DAB1: variants seen among roughly 807,000 people sequenced by gnomAD.
DAB1 encodes DAB adaptor protein 1.
In DAB1, 15 loss-of-function variants were observed where a neutral mutation model predicts 64.6. That is an observed-to-expected ratio of 0.23 (90% confidence interval 0.16 to 0.36). The LOEUF is 0.36. Among genes scored for constraint, DAB1 ranks in the 10% least tolerant of loss-of-function variants. DAB1 has a pLI of 1.00. For synonymous variants in DAB1, 235 were observed against 251.9 expected, an observed-to-expected ratio of 0.93 and a Z score of 0.64; for missense variants, 596 against 706.7, an observed-to-expected ratio of 0.84 and a Z score of 1.78.
chr1:58,016,398 C>T (rs148776894), intron 5 of DAB1, among the ~76,000 whole-genome samples: 11 of 152,290 alleles, frequency 7.2e-5, no homozygotes, highest in African/African-American at 2.4e-4. Context: ...TGTCTTGTTA[C>T]TTGCAGCCCA....
intron 5 of DAB1, among the ~76,000 whole-genome samples, chr1:57,916,491 T>C (rs1229401666): frequency 3.3e-5 from 5 of 152,266 alleles, no homozygotes; most frequent in Non-Finnish European, 7.3e-5. Flanking sequence ...TCTAAATGTG[T>C]ATTAAGAACA....
At chr1:57,189,481 GA>G in intron 2 of DAB1, among the ~76,000 whole-genome samples, 1 of 152,122 alleles carries the variant, frequency 6.6e-6, no homozygotes, top group Non-Finnish European at 1.5e-5. Flanking sequence ...TGCTGAGACA[GA>G]GAGTTATTTG....
intron 5 of DAB1, among the ~76,000 whole-genome samples, chr1:58,077,021 G>T (rs1304186664): frequency 1.3e-5 from 2 of 152,174 alleles, no homozygotes; most frequent in Non-Finnish European, 1.5e-5. Flanking sequence ...CAGGCCCTGT[G>T]CAAGCAAAGC....
At chr1:57,994,847 A>G (rs1354619385) in intron 5 of DAB1, among the ~76,000 whole-genome samples, 2 of 152,192 alleles carry the variant, frequency 1.3e-5, no homozygotes, top group Non-Finnish European at 2.9e-5. Context: ...AAAATTTGAA[A>G]GCAACTATTA....
chr1:57,160,735 G>T (rs1234507100), intron 2 of DAB1, among the ~76,000 whole-genome samples: 1 of 152,172 alleles, frequency 6.6e-6, no homozygotes, highest in Admixed American at 6.5e-5. Context: ...TGCCATTCAG[G>T]ATCTTCTTGG....
chr1:57,774,131 T>C (rs1381906952), intron 6 of DAB1, among the ~76,000 whole-genome samples: 1 of 151,922 alleles, frequency 6.6e-6, no homozygotes, highest in Non-Finnish European at 1.5e-5. Context: ...TAATTCAGCA[T>C]TATGGTAAAG....
chr1:57,728,519 G>A (rs540465117), intron 6 of DAB1, among the ~76,000 whole-genome samples: 4 of 151,890 alleles, frequency 2.6e-5, no homozygotes, highest in African/African-American at 7.3e-5. Flanking sequence ...GCGTGAACCC[G>A]GGAGGCAGAA....
rs571631530 is a variant in DAB1, at chr1:58,206,080, C to T, written n.310-55492G>A. Among the ~76,000 whole-genome samples the T allele has an allele frequency of 2.5e-4, 38 of 152,090 alleles. 1 individual carries two copies. The South Asian group carries it at 7.3e-3, about 29-fold the overall frequency. The stretch of plus-strand genomic sequence containing the variant: ...AAGTTTATTTTGCCAAAGTTAAGGA[C>T]GTGCGCCCATGACACAGTCTCAGGA... On this transcript the variant is annotated intron_variant and non_coding_transcript_variant, in intron 4 of 20. Coordinates refer to the DAB1 transcript ENST00000485760.
At chr1:57,036,141 T>A (rs533179786) in intron 9 of DAB1, among the ~76,000 whole-genome samples, 145 of 152,172 alleles carry the variant, frequency 9.5e-4, no homozygotes, top group Non-Finnish European at 1.5e-3. Flanking sequence ...GAAATTATTA[T>A]TACATAATAT....
chr1:57,179,257 G>C (rs1265911888), intron 2 of DAB1, among the ~76,000 whole-genome samples: 4 of 152,158 alleles, frequency 2.6e-5, no homozygotes, highest in Non-Finnish European at 5.9e-5. Flanking sequence ...CCCACTGCTT[G>C]TATTTAAATG....
At chr1:58,018,575 T>G (rs1355231829) in intron 5 of DAB1, among the ~76,000 whole-genome samples, 1 of 152,214 alleles carries the variant, frequency 6.6e-6, no homozygotes, top group African/African-American at 2.4e-5. Context: ...GTCCAGAGGC[T>G]GGAACCTTAG....
chr1:57,205,380 C>T (rs1399573615), intron 2 of DAB1, among the ~76,000 whole-genome samples: 2 of 152,216 alleles, frequency 1.3e-5, no homozygotes, highest in Non-Finnish European at 2.9e-5. Flanking sequence ...GAAGTCTCTA[C>T]TCTCTGAGCG....
intron 4 of DAB1, among the ~76,000 whole-genome samples, chr1:58,202,750 G>A (rs1658068823): frequency 6.6e-6 from 1 of 152,132 alleles, no homozygotes. Context: ...CCTGCACTAT[G>A]GGGTTGCTTT....
At position 57,790,269 on chromosome 1, in the gene DAB1, C is replaced by T. The variant is rs562886283; in HGVS notation, n.551+93730G>A. Among the ~76,000 whole-genome samples, 9 of 152,196 alleles carry T rather than the reference C, an allele frequency of 5.9e-5. 1 individual carries two copies. The South Asian group carries it at 8.3e-4, about 14-fold the overall frequency. The stretch of plus-strand genomic sequence containing the variant: ...TACCTCCATGCTGTTCTCATGATAG[C>T]GAGGGAGTTCTCACGAGATTTGATG... On this transcript the variant is annotated intron_variant and non_coding_transcript_variant, in intron 6 of 20. Transcript: ENST00000485760.
chr1:58,481,211 T>C (rs1393968517), intron 3 of DAB1: 5 of 670,872 alleles, frequency 7.5e-6, no homozygotes, highest in Non-Finnish European at 1.3e-5. Flanking sequence ...ATACTATATA[T>C]ATACATCAAT....
chr1:57,494,734 T>A (rs1644209182), intron 7 of DAB1, among the ~76,000 whole-genome samples: 1 of 152,172 alleles, frequency 6.6e-6, no homozygotes. Flanking sequence ...TGGTTTCTCG[T>A]CTCAATATAA....
At chr1:57,616,596 G>A (rs376907821) in intron 7 of DAB1, among the ~76,000 whole-genome samples, 34 of 152,176 alleles carry the variant, frequency 2.2e-4, no homozygotes, top group South Asian at 1.9e-3. Context: ...TAATGGCAGC[G>A]CAGGCATTAT....
chr1:57,251,228 T>C (rs989759597), intron 2 of DAB1, among the ~76,000 whole-genome samples: 1 of 152,238 alleles, frequency 6.6e-6, no homozygotes, highest in Non-Finnish European at 1.5e-5. Context: ...TCTGTGTAAA[T>C]GTGAAATTTC....
At chr1:57,079,947 C>T (rs910276892) in intron 4 of DAB1, among the ~76,000 whole-genome samples, 1 of 152,266 alleles carries the variant, frequency 6.6e-6, no homozygotes, top group African/African-American at 2.4e-5. Context: ...TCAGTGTCTG[C>T]CTCCGCCACT....
Sources: allele counts gnomAD v4.1 joint callset (sites outside exome capture counted in the v4.1 genomes callset), GRCh38; gene constraint gnomAD v4.1.1; transcripts MANE v1.5; gene names NCBI Gene and HGNC (gene_info 2026-07-23, HGNC 2026-07-21).